The following DNAH5 variants were observed in gnomAD, a reference collection of about 807,000 sequenced individuals.
DNAH5 encodes dynein axonemal heavy chain 5, also known as axonemal beta dynein heavy chain 5.
In DNAH5, 372 loss-of-function variants were observed where a neutral mutation model predicts 518.2. That is an observed-to-expected ratio of 0.72 (90% CI 0.66 to 0.78). The LOEUF is 0.78. DNAH5 is among the 30% of genes least tolerant of loss of function. The pLI is 0.00. For missense variants in DNAH5, 5,523 were observed against 5,687.0 expected, an observed-to-expected ratio of 0.97 and a Z score of 0.93; for synonymous variants, 2,039 against 2,025.9, an observed-to-expected ratio of 1.01 and a Z score of -0.17.
chr5:13,937,168 G>C (rs1290267328), intron 1 of DNAH5, among the ~76,000 whole-genome samples: 1 of 151,572 alleles, frequency 6.6e-6, no homozygotes, highest in Non-Finnish European at 1.5e-5. Flanking sequence ...ACCAGACCAA[G>C]ACATAGGATG....
chr5:13,733,195 A>G (rs1001458532), intron 68 of DNAH5, among the ~76,000 whole-genome samples: 1 of 152,224 alleles, frequency 6.6e-6, no homozygotes, highest in African/African-American at 2.4e-5. Context: ...AGGAAACTGG[A>G]GTTTGAAAAG....
At chr5:13,694,356 A>T (rs1360482276) in intron 78 of DNAH5, among the ~76,000 whole-genome samples, 1 of 152,238 alleles carries the variant, frequency 6.6e-6, no homozygotes, top group East Asian at 1.9e-4. Flanking sequence ...AAGCCACTGA[A>T]GATATAATTT....
At chr5:13,946,130 A>G (rs1262152840), upstream of DNAH5, among the ~76,000 whole-genome samples, 1 of 152,186 alleles carries the variant, frequency 6.6e-6, no homozygotes, top group African/African-American at 2.4e-5. Flanking sequence ...GTTACAATTC[A>G]TTACATCGCC....
At chr5:13,994,590 G>GA (rs1350961675) in intron 1 of DNAH5, among the ~76,000 whole-genome samples, 1 of 152,164 alleles carries the variant, frequency 6.6e-6, no homozygotes, top group Non-Finnish European at 1.5e-5. Flanking sequence ...ACCTGACACA[G>GA]AAAATAAGGT....
intron 68 of DNAH5, among the ~76,000 whole-genome samples, chr5:13,733,770 G>A (rs950138559): frequency 1.3e-5 from 2 of 151,750 alleles, no homozygotes; most frequent in Admixed American, 6.6e-5. Context: ...TATGACTATG[G>A]ACCTATAACC....
At chr5:13,788,942 A>G (rs374198718) in intron 50 of DNAH5, 28 bp from the exon 51 acceptor site, 4 of 1,601,396 alleles carry the variant, frequency 2.5e-6, no homozygotes, top group Non-Finnish European at 3.4e-6. Flanking sequence ...AAAATGTGTT[A>G]GTAATTCCTG....
At chr5:13,768,342 G>A (rs765625980) in intron 58 of DNAH5, among the ~76,000 whole-genome samples, 19 of 152,110 alleles carry the variant, frequency 1.2e-4, no homozygotes, top group Non-Finnish European at 2.1e-4. Flanking sequence ...GTCTGCTTCC[G>A]TTCACCTTCT....
intron 30 of DNAH5, among the ~76,000 whole-genome samples, chr5:13,852,833 G>A (rs1283919761): frequency 6.6e-6 from 1 of 152,160 alleles, no homozygotes; most frequent in Non-Finnish European, 1.5e-5. Flanking sequence ...CCTCCTCTCT[G>A]TGCAGGGCAT....
intron 47 of DNAH5, among the ~76,000 whole-genome samples, chr5:13,801,311 A>G (rs1029040050): frequency 6.6e-6 from 1 of 152,154 alleles, no homozygotes; most frequent in African/African-American, 2.4e-5. Context: ...GCCACGTGAG[A>G]AGTGTCTACT....
At chr5:13,750,501 T>C (rs1750061952) in intron 65 of DNAH5, among the ~76,000 whole-genome samples, 1 of 152,222 alleles carries the variant, frequency 6.6e-6, no homozygotes, top group African/African-American at 2.4e-5. Context: ...ATTAGCATAA[T>C]TAAGTCAGTA....
chr5:13,695,596 T>C (rs1042694075), intron 78 of DNAH5, among the ~76,000 whole-genome samples: 74 of 152,188 alleles, frequency 4.9e-4, no homozygotes, highest in African/African-American at 1.8e-3. Flanking sequence ...CATACCAGCT[T>C]TCCCTGTCAG....
Position 13,824,103 on chromosome 5 carries a change from A to C in DNAH5, c.6579+96T>G, listed in dbSNP as rs1561357396. On this transcript the variant is annotated intron_variant, in intron 39 of 78. Coordinates refer to ENST00000265104, the MANE Select transcript of DNAH5 (RefSeq NM_001369.3). Reference sequence around the variant, plus strand: ...TTTATCTGACAATTAGGCATTTTAAATGAGCATTTTAAATAAATATTTTGA... The same window carrying C: ...TTTATCTGACAATTAGGCATTTTAACTGAGCATTTTAAATAAATATTTTGA... 3 of 1,275,252 alleles carry C rather than the reference A, an allele frequency of 2.4e-6. No homozygotes were observed. In the East Asian group the frequency reaches 6.9e-5, roughly 29 times the overall value. The allele number at this position is 1,275,252 out of a possible 1,614,324, so 79.0% of individuals were successfully genotyped here.
At position 13,859,520 on chromosome 5, in the gene DNAH5, C is replaced by A; in HGVS notation, c.4882G>T (p.Val1628Leu). ...TCTAAATAAATCCACAGGTTTTGCACCGTCATCCAGCTCTCGATGATGTCT... is the reference window on the plus strand; with the variant it reads ...TCTAAATAAATCCACAGGTTTTGCAACGTCATCCAGCTCTCGATGATGTCT... Reference protein sequence around the residue: ...STDIIESWMTVQNLWIYLEAV... With the variant: ...STDIIESWMTLQNLWIYLEAV... Residue 1628 changes from valine (V) to leucine (L), a missense_variant, in exon 30 of 79, where the codon GTG (valine) becomes TTG (leucine). By Grantham distance (32) the Val-to-Leu change is conservative. Around this residue, in one of 3 missense-constraint regions of DNAH5, gnomAD observed 5,121 missense variants for 5,223.3 expected, o/e 0.98. Coordinates refer to ENST00000265104, the MANE Select transcript of DNAH5 (RefSeq NM_001369.3). 6.2e-7 allele frequency: 1 copy of A among 1,614,060 alleles called. No individual in the cohort carries two copies. The highest frequency in any genetic ancestry group is 8.5e-7 in the Non-Finnish European group (1 of 1,179,982).
chr5:13,888,265 T>A (rs1772702252), intron 17 of DNAH5, among the ~76,000 whole-genome samples: 1 of 152,212 alleles, frequency 6.6e-6, no homozygotes, highest in African/African-American at 2.4e-5. Context: ...TCCTCTCTAC[T>A]AATTTTCCAC....
chr5:13,956,729 AT>A (rs1165079658), intron 1 of DNAH5, among the ~76,000 whole-genome samples: 1 of 152,146 alleles, frequency 6.6e-6, no homozygotes, highest in Non-Finnish European at 1.5e-5. Flanking sequence ...CAACTGCCAC[AT>A]TTTTTCCTGC....
chr5:13,765,166 A>C (rs1752351573), intron 59 of DNAH5, among the ~76,000 whole-genome samples: 1 of 152,214 alleles, frequency 6.6e-6, no homozygotes, highest in South Asian at 2.1e-4. Context: ...CCATCATGGG[A>C]GTGCTTACAC....
intron 68 of DNAH5, among the ~76,000 whole-genome samples, chr5:13,732,988 C>G: frequency 6.6e-6 from 1 of 152,174 alleles, no homozygotes; most frequent in Non-Finnish European, 1.5e-5. Flanking sequence ...GTGTTACAAA[C>G]AGCTGTTGAA....
At chr5:13,832,564 G>A (rs998745737) in intron 35 of DNAH5, among the ~76,000 whole-genome samples, 1 of 152,140 alleles carries the variant, frequency 6.6e-6, no homozygotes, top group African/African-American at 2.4e-5. Context: ...TCATGAACAG[G>A]GTTTGAACTT....
chr5:13,707,029 C>T lies in DNAH5; in HGVS notation c.13338+1094G>A, dbSNP rs537345074. On this transcript the variant is annotated intron_variant, in intron 76 of 78. Transcript: ENST00000265104. This position sits in a 1 kb window ranked among gnomAD's most constrained non-coding sequence, Gnocchi z 4.0. ...CACTCTGGCCCACCATGCCCCGCAT[C>T]CTGTGCCCATATAAACCCAAGGGAC... Among the ~76,000 whole-genome samples, 12 of 152,302 alleles carry T rather than the reference C, an allele frequency of 7.9e-5. No homozygotes were observed. In the South Asian group the frequency reaches 2.5e-3, roughly 32 times the overall value.
Sources: allele counts gnomAD v4.1 joint callset (sites outside exome capture counted in the v4.1 genomes callset), GRCh38; gene constraint gnomAD v4.1.1; regional missense constraint gnomAD v4.1.1; non-coding constraint Gnocchi (gnomAD v3.1); transcripts MANE v1.5; gene names NCBI Gene and HGNC (gene_info 2026-07-23, HGNC 2026-07-21).